ZNF480: variants seen among roughly 807,000 people sequenced by gnomAD.
ZNF480 encodes the protein zinc finger protein 480.
In ZNF480, 15 loss-of-function variants were observed where a neutral mutation model predicts 14.4. The observed-to-expected ratio is 1.04, with a 90% confidence interval of 0.70 to 1.60. ZNF480 has a LOEUF of 1.60. Among genes scored for constraint, ZNF480 ranks in the 40% most tolerant of loss-of-function variants. ZNF480 has a pLI of 0.00. For synonymous variants in ZNF480, 218 were observed against 215.5 expected, an observed-to-expected ratio of 1.01 and a Z score of -0.10; for missense variants, 593 against 629.7, an observed-to-expected ratio of 0.94 and a Z score of 0.62.
At chr19:52,304,532 T>G (rs140477793) in intron 2 of ZNF480, among the ~76,000 whole-genome samples, 391 of 152,274 alleles carry the variant, frequency 2.6e-3, no homozygotes, top group Non-Finnish European at 4.1e-3. Context: ...CCAAGTTGGT[T>G]TATTTGTTAA....
chr19:52,310,165 C>T (rs193173782), intron 2 of ZNF480, among the ~76,000 whole-genome samples: 129 of 152,220 alleles, frequency 8.5e-4, no homozygotes, highest in East Asian at 3.9e-4. Flanking sequence ...AAGCAATTCT[C>T]ATGCCTCAGC....
chr19:52,302,508 G>A (rs1982744528), intron 2 of ZNF480, among the ~76,000 whole-genome samples: 1 of 152,276 alleles, frequency 6.6e-6, no homozygotes, highest in Middle Eastern at 3.4e-3. Flanking sequence ...ACGGCCTTGG[G>A]TGTTATCTGT....
At chr19:52,298,575 G>A (rs1982529754) in intron 1 of ZNF480, among the ~76,000 whole-genome samples, 1 of 151,700 alleles carries the variant, frequency 6.6e-6, no homozygotes, top group Non-Finnish European at 1.5e-5. Flanking sequence ...AGGTTGCAGT[G>A]AGCTGAGATT....
intron 4 of ZNF480, among the ~76,000 whole-genome samples, chr19:52,320,641 A>G (rs544800582): frequency 5.9e-5 from 9 of 152,214 alleles, no homozygotes; most frequent in African/African-American, 2.2e-4. Context: ...AAAATACAAA[A>G]ATTAGCTGAG....
chr19:52,319,055 G>C (rs993755193), intron 4 of ZNF480, among the ~76,000 whole-genome samples: 1 of 151,848 alleles, frequency 6.6e-6, no homozygotes, highest in Non-Finnish European at 1.5e-5. Context: ...GTAGAGATGG[G>C]GTTTCACCAC....
rs1444176125 is a variant in ZNF480 at position 52,324,382 on chromosome 19, A to G, written c.*1524A>G. On this transcript the variant is annotated 3_prime_UTR_variant, in exon 5 of 5. Transcript: ENST00000595962. ...CTGCCCAAAGCAATTTACAGAGCCA[A>G]TGCTATTTCTATCAAACTACCAATG... The G allele has an allele frequency of 3.3e-5, 5 of 152,350 alleles. No homozygotes were observed. Among genetic ancestry groups the G allele is most frequent in the East Asian group, 1.9e-4 (1 of 5,192 alleles). The allele number at this position is 152,350 out of a possible 1,614,324, so 9.4% of individuals were successfully genotyped here. A position where few individuals can be genotyped will look rare whatever the true frequency, so the allele number is the denominator to read the frequency against.
intron 4 of ZNF480, 50 bp downstream of exon 4, chr19:52,316,012 TTTTTTG>T (rs1983536097): frequency 6.7e-7 from 1 of 1,496,724 alleles, no homozygotes; most frequent in African/African-American, 1.4e-5. Context: ...TTTGGGCTTT[TTTTTTG>T]TTTTGTTTTG....
chr19:52,321,119 C>A (rs1009493981), intron 4 of ZNF480, among the ~76,000 whole-genome samples: 2 of 151,844 alleles, frequency 1.3e-5, no homozygotes, highest in Non-Finnish European at 2.9e-5. Context: ...GGTAAAATAA[C>A]TGCTTCTCTC....
chr19:52,304,502 C>T (rs1982836152), intron 2 of ZNF480, among the ~76,000 whole-genome samples: 1 of 152,088 alleles, frequency 6.6e-6, no homozygotes, highest in Non-Finnish European at 1.5e-5. Flanking sequence ...TTTCTCTTTA[C>T]TTAGCGGCCA....
intron 4 of ZNF480, among the ~76,000 whole-genome samples, chr19:52,320,634 A>C (rs1310286880): frequency 3.9e-5 from 6 of 152,156 alleles, no homozygotes; most frequent in Non-Finnish European, 8.8e-5. Context: ...TCCACTAAAA[A>C]TACAAAAATT....
intron 3 of ZNF480, 25 bp downstream of exon 3, chr19:52,314,304 C>T (rs1442926928): frequency 6.7e-7 from 1 of 1,490,314 alleles, no homozygotes; most frequent in Non-Finnish European, 9.0e-7. Context: ...CCTGCAGAAG[C>T]CGGGATCTGC....
chr19:52,300,636 G>GCCAACA, intron 2 of ZNF480, 152 bp downstream of exon 2: 1 of 1,363,128 alleles, frequency 7.3e-7, no homozygotes, highest in African/African-American at 1.4e-5. Flanking sequence ...GACCAGCTTG[G>GCCAACA]TCGTGGGGAC....
intron 4 of ZNF480, among the ~76,000 whole-genome samples, chr19:52,319,348 T>C (rs1983698201): frequency 6.6e-6 from 1 of 152,208 alleles, no homozygotes; most frequent in African/African-American, 2.4e-5. Flanking sequence ...TTTTTGCAGG[T>C]GACTTTTGCT....
At chr19:52,299,964 G>A (rs1247916054) in intron 1 of ZNF480, among the ~76,000 whole-genome samples, 1 of 152,236 alleles carries the variant, frequency 6.6e-6, no homozygotes, top group Non-Finnish European at 1.5e-5. Flanking sequence ...GGGGTCTTGG[G>A]ACATCTTCCC....
rs1386562019 is a variant in ZNF480, at chr19:52,325,283, G to A, written c.*2425G>A. The A allele has an allele frequency of 5.9e-5, 9 of 152,208 alleles. No individual in the cohort carries two copies. The highest frequency in any genetic ancestry group is 2.2e-4 in the African/African-American group (9 of 41,458). 9.4% of individuals were successfully genotyped at this position (152,208 alleles called of 1,614,324 possible). A position where few individuals can be genotyped will look rare whatever the true frequency, so the allele number is the denominator to read the frequency against. ...TTAAAAAATCAAAACATAGATGCTA[G>A]TGAGGCTGCAGAGAAAAGCAAATAC... On this transcript the variant is annotated 3_prime_UTR_variant, in exon 5 of 5. Transcript: ENST00000595962.
At position 52,322,895 on chromosome 19, in the gene ZNF480, T is replaced by C. The variant is rs561760749; in HGVS notation, c.*37T>C. ...GCAACAAATGCGTCAAAGAATTTAG[T>C]GTGCACTCAAGCCTTACTACCCATC... On this transcript the variant is annotated 3_prime_UTR_variant, in exon 5 of 5. Transcript: ENST00000595962. 4.6e-6 allele frequency: 7 copies of C among 1,523,848 alleles called. No individual in the cohort carries two copies. Among genetic ancestry groups the C allele is most frequent in the African/African-American group, 1.4e-5 (1 of 72,626 alleles). The allele number at this position is 1,523,848 out of a possible 1,614,324, so 94.4% of individuals were successfully genotyped here.
rs529523178 is a variant in ZNF480, at chr19:52,300,425, G to A, written c.13G>A (p.Glu5Lys). MLCDEKAQKRRKRKA... is the reference protein window; with the variant it reads MLCDKKAQKRRKRKA... ...CTTCTAAAGAGTCATGCTGTGTGAT[G>A]AAAAAGCCCAGAAGAGAAGGAAGAG... The change falls in exon 2 of 5, where the codon GAA (glutamate) becomes AAA (lysine). Residue 5 changes from glutamate (E) to lysine (K), a missense_variant. Physicochemically the swap from Glu to Lys is moderately conservative, Grantham distance 56. Transcript: ENST00000595962. 1.7e-5 allele frequency: 27 copies of A among 1,612,094 alleles called. No individual in the cohort carries two copies. In the South Asian group the frequency reaches 2.1e-4, roughly 12 times the overall value.
At chr19:52,300,635 G>GGCCAACATGGTGAAACCCC in intron 2 of ZNF480, 151 bp downstream of exon 2, 1 of 1,366,094 alleles carries the variant, frequency 7.3e-7, no homozygotes, top group African/African-American at 1.4e-5. Flanking sequence ...AGACCAGCTT[G>GGCCAACATGGTGAAACCCC]GTCGTGGGGA....
intron 2 of ZNF480, among the ~76,000 whole-genome samples, chr19:52,313,453 T>G (rs556610564): frequency 1.2e-3 from 186 of 152,176 alleles, no homozygotes; most frequent in Non-Finnish European, 2.3e-3. Flanking sequence ...TTCTTTTTTT[T>G]TTTTGAAGCC....
Sources: gnomAD v4.1 joint callset for allele counts (sites outside exome capture counted in the v4.1 genomes callset) on GRCh38, gnomAD v4.1.1 for gene constraint, MANE v1.5 for transcripts, NCBI Gene and HGNC (gene_info 2026-07-23, HGNC 2026-07-21) for gene names.